Variants in CPAMD8 observed in about 807,000 individuals in gnomAD.
The protein encoded by CPAMD8 is C3 and PZP like alpha-2-macroglobulin domain containing 8.
A neutral mutation model predicts 224.7 loss-of-function variants in CPAMD8; 146 were observed. The ratio of observed to expected loss-of-function variants is 0.65; its 90% confidence interval spans 0.57 to 0.75. CPAMD8 has a LOEUF of 0.75. Ranked by LOEUF, CPAMD8 falls within the 30% of genes least tolerant of loss-of-function variation. The pLI is 0.00. For synonymous variants in CPAMD8, 966 were observed against 1,044.6 expected (o/e 0.92, Z 1.45); for missense variants, 2,301 against 2,537.5 (o/e 0.91, Z 2.00).
chr19:16,960,659 C>T lies in CPAMD8; in HGVS notation c.2214-2744G>A, dbSNP rs149115218. Among the ~76,000 whole-genome samples, 943 of 151,760 alleles carry T rather than the reference C, an allele frequency of 6.2e-3. 15 individuals are homozygous for T. Among genetic ancestry groups the T allele is most frequent in the African/African-American group, 0.022 (902 of 41,368 alleles). On this transcript the variant is annotated intron_variant, in intron 18 of 41. Coordinates refer to ENST00000443236, the MANE Select transcript of CPAMD8 (RefSeq NM_015692.5). ...GCTCACACCTGTAATCCCAGCACTT[C>T]GGGAGACTGAGGTGGGTGGATCACT...
At chr19:16,931,405 C>T (rs988091297) in intron 23 of CPAMD8, among the ~76,000 whole-genome samples, 2 of 152,190 alleles carry the variant, frequency 1.3e-5, no homozygotes, top group Non-Finnish European at 2.9e-5. Flanking sequence ...ACAGCTGGCA[C>T]ACACCTGCCT....
chr19:17,009,136 T>C (rs1344439180), intron 6 of CPAMD8, 167 bp downstream of exon 6: 4 of 1,040,378 alleles, frequency 3.8e-6, no homozygotes, highest in Non-Finnish European at 5.7e-6. Flanking sequence ...ACACAGCCCA[T>C]CCCAGGGCGG....
chr19:16,926,877 C>T (rs879746275), intron 25 of CPAMD8, among the ~76,000 whole-genome samples: 4 of 152,190 alleles, frequency 2.6e-5, no homozygotes, highest in Non-Finnish European at 5.9e-5. Context: ...GCTCTCGTGC[C>T]TCAGGAATTG....
At chr19:16,908,098 C>T (rs752309504) in intron 29 of CPAMD8, among the ~76,000 whole-genome samples, 2 of 152,150 alleles carry the variant, frequency 1.3e-5, no homozygotes, top group African/African-American at 4.8e-5. Context: ...GTGGCTCATG[C>T]CTGTAATCCC....
At chr19:16,971,260 G>C in intron 17 of CPAMD8, 1 of 426,208 alleles carries the variant, frequency 2.3e-6, no homozygotes. Context: ...GAGTGCAGTG[G>C]CGCAATCTTG....
rs60791543 is a variant in CPAMD8, at chr19:16,906,398, CTTT to C, written c.4027+551_4027+553del. ...TCTTTCTTTCTTTCTTTCTTTCTTT[CTTT>C]CTTTCTTTCCTTCCTTCCTTCCTTC... On this transcript the variant is annotated intron_variant, in intron 30 of 41. Coordinates refer to ENST00000443236, the MANE Select transcript of CPAMD8 (RefSeq NM_015692.5). 6.7e-3 allele frequency among the ~76,000 whole-genome samples: 658 copies of C among 98,436 alleles called. 4 individuals are homozygous for C. Among genetic ancestry groups the C allele is most frequent in the African/African-American group, 7.8e-3 (205 of 26,184 alleles). 64.6% of individuals were successfully genotyped at this position (98,436 alleles called of 152,430 possible). A position where few individuals can be genotyped will look rare whatever the true frequency, so the allele number is the denominator to read the frequency against.
intron 14 of CPAMD8, among the ~76,000 whole-genome samples, chr19:16,980,241 T>C (rs2055460199): frequency 6.6e-6 from 1 of 152,156 alleles, no homozygotes; most frequent in Middle Eastern, 3.2e-3. Context: ...TGCAAGAGCC[T>C]AGTCTGTGGC....
intron 18 of CPAMD8, among the ~76,000 whole-genome samples, chr19:16,970,002 A>T (rs377165193): frequency 6.6e-6 from 1 of 151,080 alleles, no homozygotes; most frequent in Non-Finnish European, 1.5e-5. Context: ...TGGGAAGCCA[A>T]GGTGGGCGAA....
intron 18 of CPAMD8, among the ~76,000 whole-genome samples, chr19:16,961,858 TGCTGTTCTGCA>T (rs1329331806): frequency 6.6e-6 from 1 of 152,212 alleles, no homozygotes; most frequent in Non-Finnish European, 1.5e-5. Context: ...CTGCAATATT[TGCTGTTCTGCA>T]GCCTCCACTG....
intron 29 of CPAMD8, among the ~76,000 whole-genome samples, chr19:16,911,823 C>T (rs1004037168): frequency 1.3e-5 from 2 of 152,148 alleles, no homozygotes; most frequent in African/African-American, 2.4e-5. Flanking sequence ...GGATTACAGG[C>T]GTGAGCCACC....
At chr19:16,957,314 G>T (rs964550447) in intron 19 of CPAMD8, among the ~76,000 whole-genome samples, 1 of 152,208 alleles carries the variant, frequency 6.6e-6, no homozygotes, top group Admixed American at 6.5e-5. Context: ...GGTTTGCCGG[G>T]GCACGCCAGT....
chr19:16,916,957 C>T (rs2052985789), intron 27 of CPAMD8, among the ~76,000 whole-genome samples: 1 of 152,082 alleles, frequency 6.6e-6, no homozygotes, highest in Non-Finnish European at 1.5e-5. Context: ...GCATTTTGGG[C>T]ACGGCAGGGA....
At chr19:16,929,367 T>G in intron 23 of CPAMD8, 127 bp from the exon 24 acceptor site, 1 of 714,636 alleles carries the variant, frequency 1.4e-6, no homozygotes, top group Non-Finnish European at 2.3e-6. Context: ...GCACACATGG[T>G]GGAATGGTGT....
At chr19:16,983,028 T>C (rs1430566769) in intron 13 of CPAMD8, among the ~76,000 whole-genome samples, 2 of 152,214 alleles carry the variant, frequency 1.3e-5, no homozygotes, top group African/African-American at 4.8e-5. Flanking sequence ...CTCTCTTGTC[T>C]GCCACCATGT....
chr19:16,976,242 G>A (rs988605846), intron 15 of CPAMD8, 91 bp from the exon 16 acceptor site: 108 of 1,015,298 alleles, frequency 1.1e-4, no homozygotes, highest in South Asian at 3.2e-4. Flanking sequence ...TTGGGAGGCC[G>A]AGGCGGGTGG....
At chr19:16,982,597 G>A (rs1358472880) in intron 13 of CPAMD8, among the ~76,000 whole-genome samples, 1 of 152,064 alleles carries the variant, frequency 6.6e-6, no homozygotes, top group African/African-American at 2.4e-5. Context: ...CACTTTGGGA[G>A]GCTGAGGCAG....
intron 12 of CPAMD8, among the ~76,000 whole-genome samples, chr19:16,990,096 A>G (rs958344543): frequency 1.3e-5 from 2 of 151,820 alleles, no homozygotes; most frequent in African/African-American, 4.8e-5. Context: ...TACTGAAAAA[A>G]TACAAAAATT....
chr19:17,006,394 G>A lies in CPAMD8; in HGVS notation c.560-2008C>T, dbSNP rs147248291. ...AAAAATTAGCTGGGCTTGGTGGCAC[G>A]CGCCTGTGGTCCCACCTACTTGGGA... On this transcript the variant is annotated intron_variant, in intron 7 of 41. Coordinates refer to ENST00000443236, the MANE Select transcript of CPAMD8 (RefSeq NM_015692.5). Among the ~76,000 whole-genome samples, 682 of 152,166 alleles carry A rather than the reference G, an allele frequency of 4.5e-3. 20 individuals are homozygous for A. Among genetic ancestry groups the A allele is most frequent in the Admixed American group, 0.038 (578 of 15,276 alleles).
chr19:16,947,889 A>C (rs1156805477), intron 20 of CPAMD8, among the ~76,000 whole-genome samples: 1 of 152,196 alleles, frequency 6.6e-6, no homozygotes, highest in Non-Finnish European at 1.5e-5. Flanking sequence ...ATATGGGTAC[A>C]GAGGTGCTAT....
Sources: allele counts gnomAD v4.1 joint callset (sites outside exome capture counted in the v4.1 genomes callset), GRCh38; gene constraint gnomAD v4.1.1; transcripts MANE v1.5; gene names NCBI Gene and HGNC (gene_info 2026-07-23, HGNC 2026-07-21).